The following MDGA2 variants were observed in gnomAD, a reference collection of about 807,000 sequenced individuals.
MDGA2 encodes the protein MAM domain containing glycosylphosphatidylinositol anchor 2, also known as MAM domain-containing glycosylphosphatidylinositol anchor protein 2.
MDGA2 carries 40 observed loss-of-function variants against 117.8 expected under a neutral mutation model. That is an observed-to-expected ratio of 0.34 (90% CI 0.26 to 0.44). The LOEUF (loss-of-function observed/expected upper bound fraction) is 0.44. Ranked by LOEUF, MDGA2 falls within the 20% of genes least tolerant of loss-of-function variation. The pLI is 1.00. For synonymous variants in MDGA2, 452 were observed against 439.0 expected (o/e 1.03, Z -0.37); for missense variants, 1,123 against 1,250.6 (o/e 0.90, Z 1.54).
chr14:46,998,981 G>C (rs1887404130), intron 8 of MDGA2, among the ~76,000 whole-genome samples: 1 of 151,942 alleles, frequency 6.6e-6, no homozygotes, highest in South Asian at 2.1e-4. Context: ...ACAATCCACT[G>C]TTCACTAAAT....
At chr14:47,131,937 T>A (rs1040823258) in intron 4 of MDGA2, 91 bp from the exon 5 acceptor site, 20 of 1,027,770 alleles carry the variant, frequency 1.9e-5, no homozygotes, top group Non-Finnish European at 2.7e-5. Flanking sequence ...TTGTATTAAA[T>A]CATATTATTA....
At chr14:47,173,189 T>C (rs538214563) in intron 3 of MDGA2, among the ~76,000 whole-genome samples, 138 of 152,274 alleles carry the variant, frequency 9.1e-4, no homozygotes, top group African/African-American at 3.2e-3. Flanking sequence ...TACGTGAAAG[T>C]GACGGGGAGA....
intron 3 of MDGA2, among the ~76,000 whole-genome samples, chr14:47,154,333 G>A (rs1883281193): frequency 1.3e-5 from 2 of 152,212 alleles, no homozygotes; most frequent in South Asian, 2.1e-4. Flanking sequence ...GACGACGACC[G>A]CAGTGGGGGA....
chr14:47,234,834 T>A (rs937179102), intron 2 of MDGA2, among the ~76,000 whole-genome samples: 19 of 152,304 alleles, frequency 1.2e-4, no homozygotes, highest in African/African-American at 4.6e-4. Context: ...AAATGTATTT[T>A]TATCCTTCCC....
chr14:46,901,252 G>T (rs1595032294), intron 10 of MDGA2, among the ~76,000 whole-genome samples: 1 of 151,998 alleles, frequency 6.6e-6, no homozygotes, highest in East Asian at 1.9e-4. Context: ...GTTAATGGGT[G>T]CAGCACACCA....
rs1412788423 is a variant in MDGA2, at chr14:47,193,951, A to G, written c.595+24070T>C. On this transcript the variant is annotated intron_variant, in intron 3 of 16. Coordinates refer to ENST00000399232, the MANE Select transcript of MDGA2 (RefSeq NM_001113498.3). ...ATTAAATGGTCAGACTTACCTCTTTAGCTACTAAGATCAAAAGCAGAATAA... is the reference window on the plus strand; with the variant it reads ...ATTAAATGGTCAGACTTACCTCTTTGGCTACTAAGATCAAAAGCAGAATAA... Among the ~76,000 whole-genome samples the G allele has an allele frequency of 2.6e-5, 4 of 152,176 alleles. No homozygotes were observed. The South Asian group carries it at 6.2e-4, about 24-fold the overall frequency.
intron 2 of MDGA2, among the ~76,000 whole-genome samples, chr14:47,224,039 G>T (rs1457836399): frequency 6.6e-6 from 1 of 152,024 alleles, no homozygotes; most frequent in African/African-American, 2.4e-5. Context: ...CGGGGATTGT[G>T]GGAGCTACAA....
At chr14:47,056,347 T>A (rs144899541) in intron 7 of MDGA2, among the ~76,000 whole-genome samples, 1 of 152,262 alleles carries the variant, frequency 6.6e-6, no homozygotes, top group East Asian at 1.9e-4. Flanking sequence ...ATAATTATAG[T>A]AACTAGATGG....
In MDGA2 at chr14:47,609,361, C is replaced by T. The variant is rs1436139283; in HGVS notation, c.280+65156G>A. On this transcript the variant is annotated intron_variant, in intron 1 of 16. Transcript: ENST00000399232. Reference sequence around the variant, plus strand: ...TTACTTCACATAGAATAATAGTCTCCACTCTTATCCAGGTCACTGTAAATG... The same window carrying T: ...TTACTTCACATAGAATAATAGTCTCTACTCTTATCCAGGTCACTGTAAATG... 5.7e-5 allele frequency among the ~76,000 whole-genome samples: 8 copies of T among 139,170 alleles called. No individual in the cohort carries two copies. In the East Asian group the frequency reaches 8.8e-4, roughly 15 times the overall value. The allele number at this position is 139,170 out of a possible 152,430, so 91.3% of individuals were successfully genotyped here. A position where few individuals can be genotyped will look rare whatever the true frequency, so the allele number is the denominator to read the frequency against.
At chr14:47,623,719 G>A (rs966079652) in intron 1 of MDGA2, among the ~76,000 whole-genome samples, 3 of 151,904 alleles carry the variant, frequency 2.0e-5, no homozygotes, top group African/African-American at 7.3e-5. Flanking sequence ...AAATATTGAG[G>A]CTTGAGCAAA....
rs190512250 is a variant in MDGA2 at position 47,004,705 on chromosome 14, A to G, written c.1819+30306T>C. On this transcript the variant is annotated intron_variant, in intron 8 of 16. Coordinates refer to ENST00000399232, the MANE Select transcript of MDGA2 (RefSeq NM_001113498.3). ...CAATATTGAATATCACAATTTGCGA[A>G]TAACTCATATCTCTCCATTTATTTA... 1.6e-3 allele frequency among the ~76,000 whole-genome samples: 242 copies of G among 151,874 alleles called. 3 individuals are homozygous for G. The highest frequency in any genetic ancestry group is 5.6e-3 in the African/African-American group (233 of 41,524).
intron 1 of MDGA2, among the ~76,000 whole-genome samples, chr14:47,567,631 G>C (rs776282384): frequency 1.3e-5 from 2 of 152,278 alleles, no homozygotes; most frequent in African/African-American, 4.8e-5. Flanking sequence ...ATGCTCTTCT[G>C]GGGTAGCTGC....
intron 1 of MDGA2, among the ~76,000 whole-genome samples, chr14:47,414,262 C>T (rs1485048079): frequency 1.3e-5 from 2 of 152,240 alleles, no homozygotes; most frequent in African/African-American, 4.8e-5. Context: ...TAAGCAGCAC[C>T]TTGTTATAAC....
intron 1 of MDGA2, among the ~76,000 whole-genome samples, chr14:47,446,378 G>C (rs1259507854): frequency 1.3e-5 from 2 of 152,082 alleles, no homozygotes; most frequent in African/African-American, 4.8e-5. Context: ...ATGTGTTTGT[G>C]ACCCAGAATT....
chr14:47,173,688 C>CAAA (rs1399376607), intron 3 of MDGA2, among the ~76,000 whole-genome samples: 2 of 152,116 alleles, frequency 1.3e-5, no homozygotes, highest in East Asian at 1.9e-4. Flanking sequence ...CCAGCCACTG[C>CAAA]AAAATCATGC....
chr14:46,877,421 T>C (rs1378927353), intron 12 of MDGA2, 68 bp downstream of exon 12: 1 of 898,774 alleles, frequency 1.1e-6, no homozygotes. Context: ...AATTTTTGTA[T>C]ATTTATAAAC....
At chr14:47,462,769 C>T (rs1212178534) in intron 1 of MDGA2, among the ~76,000 whole-genome samples, 2 of 151,934 alleles carry the variant, frequency 1.3e-5, no homozygotes, top group Admixed American at 1.3e-4. Flanking sequence ...AAACAAATGA[C>T]TAAAATAAGT....
intron 2 of MDGA2, among the ~76,000 whole-genome samples, chr14:47,292,579 G>A (rs1888927926): frequency 6.6e-6 from 1 of 152,150 alleles, no homozygotes; most frequent in South Asian, 2.1e-4. Flanking sequence ...TTTTTCCAGT[G>A]TAAGCTGCTA....
At chr14:46,989,492 C>T (rs1887000669) in intron 8 of MDGA2, among the ~76,000 whole-genome samples, 1 of 151,942 alleles carries the variant, frequency 6.6e-6, no homozygotes, top group Non-Finnish European at 1.5e-5. Context: ...TTCTTCATGG[C>T]TAGAATTATA....
Sources: allele counts gnomAD v4.1 joint callset (sites outside exome capture counted in the v4.1 genomes callset), GRCh38; gene constraint gnomAD v4.1.1; transcripts MANE v1.5; gene names NCBI Gene and HGNC (gene_info 2026-07-23, HGNC 2026-07-21).